The following TTC29 variants were observed in gnomAD, a reference collection of about 807,000 sequenced individuals.
TTC29 encodes tetratricopeptide repeat protein 29.
In TTC29, 49 loss-of-function variants were observed where a neutral mutation model predicts 58.1. The ratio of observed to expected loss-of-function variants is 0.84; its 90% confidence interval spans 0.67 to 1.07. The LOEUF is 1.07. TTC29 is among the 50% of genes least tolerant of loss of function. The pLI is 0.00. For missense variants in TTC29, 582 were observed against 555.6 expected, an observed-to-expected ratio of 1.05 and a Z score of -0.48; for synonymous variants, 209 against 196.8, an observed-to-expected ratio of 1.06 and a Z score of -0.52.
intron 11 of TTC29, among the ~76,000 whole-genome samples, chr4:146,779,801 A>T (rs1748450470): frequency 6.6e-6 from 1 of 152,152 alleles, no homozygotes; most frequent in Admixed American, 6.6e-5. Flanking sequence ...TGGAAGACTA[A>T]CCTGGAAGCT....
chr4:146,912,937 T>G (rs563838050), intron 4 of TTC29, among the ~76,000 whole-genome samples: 3 of 152,266 alleles, frequency 2.0e-5, no homozygotes, highest in African/African-American at 7.2e-5. Context: ...AACCAGGTTT[T>G]GGGATTGGGT....
intron 8 of TTC29, among the ~76,000 whole-genome samples, chr4:146,860,560 C>T (rs923134074): frequency 3.3e-5 from 5 of 152,068 alleles, no homozygotes; most frequent in Non-Finnish European, 7.4e-5. Context: ...AGGCAGGCAG[C>T]ATATACAGCA....
At chr4:146,729,573 A>G (rs1185229583) in intron 11 of TTC29, among the ~76,000 whole-genome samples, 1 of 152,122 alleles carries the variant, frequency 6.6e-6, no homozygotes, top group East Asian at 1.9e-4. Context: ...GGGTTCAAAA[A>G]GGTTTGCTTT....
chr4:146,728,339 C>G (rs368914195), intron 11 of TTC29, among the ~76,000 whole-genome samples: 4 of 151,768 alleles, frequency 2.6e-5, no homozygotes, highest in African/African-American at 9.7e-5. Flanking sequence ...ATAATCTAAC[C>G]AGTCACTCAG....
intron 9 of TTC29, among the ~76,000 whole-genome samples, chr4:146,820,597 C>G (rs574634208): frequency 1.3e-5 from 2 of 151,966 alleles, no homozygotes; most frequent in South Asian, 4.2e-4. Context: ...TATGTCAACA[C>G]AAAAAGTCAT....
chr4:146,732,358 G>T (rs1744397521), intron 11 of TTC29, among the ~76,000 whole-genome samples: 1 of 152,076 alleles, frequency 6.6e-6, no homozygotes, highest in Non-Finnish European at 1.5e-5. Context: ...ATAATTCATA[G>T]GATTCCTTTT....
chr4:146,781,369 A>C (rs984133898), intron 11 of TTC29, among the ~76,000 whole-genome samples: 1 of 151,886 alleles, frequency 6.6e-6, no homozygotes, highest in Non-Finnish European at 1.5e-5. Flanking sequence ...GGATTAAGAG[A>C]CTCGAGCTCT....
At position 146,850,315 on chromosome 4, in the gene TTC29, C is replaced by T. The variant is rs1241114242; in HGVS notation, c.886-16418G>A. ...ATGAAGCCACAGGGCCAAGGTCATA[C>T]AACTGGTAAATGGTCAAGAAAGGAC... is the stretch of plus-strand genomic sequence containing the variant. On this transcript the variant is annotated intron_variant, in intron 8 of 12. Coordinates refer to ENST00000325106, the MANE Select transcript of TTC29 (RefSeq NM_031956.4). Among the ~76,000 whole-genome samples, 9 of 152,204 alleles carry T rather than the reference C, an allele frequency of 5.9e-5. No individual in the cohort carries two copies. In the East Asian group the frequency reaches 1.5e-3, roughly 26 times the overall value.
intron 4 of TTC29, among the ~76,000 whole-genome samples, chr4:146,935,703 G>C (rs1056522742): frequency 6.6e-6 from 1 of 152,182 alleles, no homozygotes; most frequent in African/African-American, 2.4e-5. Flanking sequence ...TAAGGCTCCA[G>C]GATGGGGCCA....
intron 11 of TTC29, among the ~76,000 whole-genome samples, chr4:146,745,909 T>C (rs1044644343): frequency 2.4e-4 from 36 of 152,276 alleles, no homozygotes; most frequent in African/African-American, 8.0e-4. Flanking sequence ...ACTGAAAGAA[T>C]GGGCACTGTT....
intron 8 of TTC29, among the ~76,000 whole-genome samples, 185 bp from the exon 9 acceptor site, chr4:146,834,082 TC>T (rs1195937121): frequency 6.6e-6 from 1 of 152,218 alleles, no homozygotes; most frequent in Non-Finnish European, 1.5e-5. Context: ...TGTGGCAATC[TC>T]TTTAAGCCAT....
In TTC29 at chr4:146,876,564, T is replaced by C. The variant is rs533690700; in HGVS notation, c.587-1636A>G. 2.6e-5 allele frequency among the ~76,000 whole-genome samples: 4 copies of C among 152,256 alleles called. No individual in the cohort carries two copies. In the East Asian group the frequency reaches 7.7e-4, roughly 29 times the overall value. ...TGTTACCAGAATGAGTATTAAAGAATGCACATAGAAATAAGAATAGTATTC... is the reference window on the plus strand; with the variant it reads ...TGTTACCAGAATGAGTATTAAAGAACGCACATAGAAATAAGAATAGTATTC... On this transcript the variant is annotated intron_variant, in intron 6 of 12. Coordinates refer to ENST00000325106, the MANE Select transcript of TTC29 (RefSeq NM_031956.4).
At position 146,766,302 on chromosome 4, in the gene TTC29, A is replaced by G. The variant is rs186965948; in HGVS notation, c.1330+37155T>C. On this transcript the variant is annotated intron_variant, in intron 11 of 12. Transcript: ENST00000325106. ...CTGAACAGGAGATCATTATGTGTAAACATGGTCTTTGTGTTGGCAAGTACC... is the reference window on the plus strand; with the variant it reads ...CTGAACAGGAGATCATTATGTGTAAGCATGGTCTTTGTGTTGGCAAGTACC... Among the ~76,000 whole-genome samples, 76 of 152,186 alleles carry G rather than the reference A, an allele frequency of 5.0e-4. 1 individual carries two copies. The highest frequency in any genetic ancestry group is 1.8e-3 in the African/African-American group (74 of 41,546).
At chr4:146,866,906 A>G (rs1730597532) in intron 8 of TTC29, among the ~76,000 whole-genome samples, 1 of 152,202 alleles carries the variant, frequency 6.6e-6, no homozygotes, top group African/African-American at 2.4e-5. Context: ...GTTATAATTC[A>G]GGAAAGATCG....
chr4:146,806,029 G>T (rs1034537380), intron 10 of TTC29, among the ~76,000 whole-genome samples: 1 of 152,176 alleles, frequency 6.6e-6, no homozygotes, highest in East Asian at 1.9e-4. Flanking sequence ...GACTAACAGC[G>T]GATCTCTCTG....
At chr4:146,717,823 C>T (rs902590084) in intron 11 of TTC29, among the ~76,000 whole-genome samples, 2 of 152,018 alleles carry the variant, frequency 1.3e-5, no homozygotes, top group Non-Finnish European at 2.9e-5. Context: ...CCATGATGTG[C>T]AATATATCTT....
chr4:146,804,338 GT>G (rs1042872390), intron 10 of TTC29, among the ~76,000 whole-genome samples: 3 of 151,550 alleles, frequency 2.0e-5, no homozygotes, highest in African/African-American at 2.4e-5. Flanking sequence ...AGCTGCAGGA[GT>G]TTTTTTTTCA....
chr4:146,774,025 G>A (rs1484489689), intron 11 of TTC29, among the ~76,000 whole-genome samples: 3 of 151,972 alleles, frequency 2.0e-5, no homozygotes, highest in Non-Finnish European at 4.4e-5. Context: ...TCTAGTTTGT[G>A]TGCATAGAGT....
At chr4:146,907,226 C>T (rs904869925) in intron 5 of TTC29, among the ~76,000 whole-genome samples, 1 of 152,086 alleles carries the variant, frequency 6.6e-6, no homozygotes, top group Non-Finnish European at 1.5e-5. Flanking sequence ...ATGTTTTCTA[C>T]CCTCAAATAG....
Sources: allele counts gnomAD v4.1 joint callset (sites outside exome capture counted in the v4.1 genomes callset), GRCh38; gene constraint gnomAD v4.1.1; transcripts MANE v1.5; gene names NCBI Gene and HGNC (gene_info 2026-07-23, HGNC 2026-07-21).